The following SPATA13 variants were observed in gnomAD, a reference collection of about 807,000 sequenced individuals.
The protein encoded by SPATA13 is spermatogenesis associated 13.
A neutral mutation model predicts 104.0 loss-of-function variants in SPATA13; 50 were observed. The observed-to-expected ratio is 0.48, with a 90% CI of 0.38 to 0.61. The LOEUF is 0.61. SPATA13 is among the 20% of genes least tolerant of loss of function. The probability of loss-of-function intolerance (pLI) is 0.00; values close to 1 mark genes in which losing one functional copy is unlikely to be tolerated. For synonymous variants in SPATA13, 606 were observed against 667.5 expected, an observed-to-expected ratio of 0.91 and a Z score of 1.42; for missense variants, 1,524 against 1,690.6, an observed-to-expected ratio of 0.90 and a Z score of 1.73.
intron 3 of SPATA13, among the ~76,000 whole-genome samples, chr13:24,053,309 T>C (rs1324111531): frequency 1.3e-5 from 2 of 152,116 alleles, no homozygotes; most frequent in Non-Finnish European, 2.9e-5. Context: ...ATTCGGAAAA[T>C]CACTGCATTT....
intron 4 of SPATA13, among the ~76,000 whole-genome samples, chr13:24,278,456 A>C (rs923717388): frequency 1.1e-4 from 17 of 152,046 alleles, no homozygotes; most frequent in Admixed American, 6.6e-4. Flanking sequence ...TTTTTTTTTA[A>C]TTTATAGAGA....
Position 24,161,278 on chromosome 13 carries a change from C to T in SPATA13, c.-112+346C>T, listed in dbSNP as rs953898627. 2.6e-5 allele frequency among the ~76,000 whole-genome samples: 4 copies of T among 152,158 alleles called. No individual in the cohort carries two copies. The highest frequency in any genetic ancestry group is 6.5e-5 in the Admixed American group (1 of 15,290). ...TCACCCGCGCTCCCAGCTCGCGGGGCCTGGCCTACAGGGGCGGCCGTGGGG... is the reference window on the plus strand; with the variant it reads ...TCACCCGCGCTCCCAGCTCGCGGGGTCTGGCCTACAGGGGCGGCCGTGGGG... On this transcript the variant is annotated intron_variant, in intron 1 of 12. Transcript: ENST00000382108. This position sits in a 1 kb window ranked among gnomAD's most constrained non-coding sequence, Gnocchi z 4.5.
intron 3 of SPATA13, among the ~76,000 whole-genome samples, chr13:24,081,421 T>C (rs1183403320): frequency 6.6e-6 from 1 of 152,202 alleles, no homozygotes; most frequent in Non-Finnish European, 1.5e-5. Context: ...TGGATATGTA[T>C]GCATCTGTGA....
chr13:24,141,388 T>C (rs1390142037), intron 3 of SPATA13, among the ~76,000 whole-genome samples: 1 of 152,170 alleles, frequency 6.6e-6, no homozygotes, highest in Non-Finnish European at 1.5e-5. Flanking sequence ...TGAAGGTCAC[T>C]TGTTGACGTT....
At chr13:24,052,490 T>C (rs924670678) in intron 3 of SPATA13, among the ~76,000 whole-genome samples, 34 of 76,086 alleles carry the variant, frequency 4.5e-4, no homozygotes, top group African/African-American at 1.1e-3. Flanking sequence ...AAGAAATATA[T>C]GTTTTTTTTT....
At chr13:24,130,610 T>C (rs990808800) in intron 3 of SPATA13, among the ~76,000 whole-genome samples, 1 of 152,238 alleles carries the variant, frequency 6.6e-6, no homozygotes, top group Non-Finnish European at 1.5e-5. Context: ...GCCAGCTTTA[T>C]GGGGTTAATA....
chr13:24,203,155 AGT>A (rs1189170602), intron 1 of SPATA13, among the ~76,000 whole-genome samples: 2 of 133,692 alleles, frequency 1.5e-5, no homozygotes, highest in Non-Finnish European at 3.2e-5. Flanking sequence ...CACAGGCCCC[AGT>A]GTGTGTTGTT....
intron 3 of SPATA13, among the ~76,000 whole-genome samples, chr13:24,138,669 G>C (rs765138922): frequency 6.6e-6 from 1 of 151,682 alleles, no homozygotes; most frequent in African/African-American, 2.4e-5. Context: ...CTGCAGCCTT[G>C]AACTCCTGGG....
intron 2 of SPATA13, among the ~76,000 whole-genome samples, chr13:24,001,404 G>A (rs534756063): frequency 6.6e-6 from 1 of 151,976 alleles, no homozygotes; most frequent in Non-Finnish European, 1.5e-5. Flanking sequence ...GAGAAGGAGG[G>A]TGTGAGAGAG....
intron 4 of SPATA13, among the ~76,000 whole-genome samples, chr13:24,272,395 G>A (rs564160380): frequency 6.6e-6 from 1 of 152,312 alleles, no homozygotes; most frequent in East Asian, 1.9e-4. Context: ...AGTGCACTGC[G>A]GAAACTGTTG....
Position 24,249,685 on chromosome 13 carries a change from A to T in SPATA13, c.1862A>T (p.Asp621Val), listed in dbSNP as rs749236695. 5.6e-6 allele frequency: 9 copies of T among 1,613,988 alleles called. No individual in the cohort carries two copies. In the South Asian group the frequency reaches 6.6e-5, roughly 12 times the overall value. ...CAGAAGGAAGACCGTGTGGACGAGGACCCCCAGGCAAGCATGACTTCTGCC... is the reference window on the plus strand; with the variant it reads ...CAGAAGGAAGACCGTGTGGACGAGGTCCCCCAGGCAAGCATGACTTCTGCC... ...DPQKEDRVDEDPQASMTSASP... is the reference protein window; with the variant it reads ...DPQKEDRVDEVPQASMTSASP... Residue 621 changes from aspartate to valine, a missense_variant, in exon 3 of 13, where the codon GAC (aspartate) becomes GTC (valine). Coordinates refer to ENST00000382108, the MANE Select transcript of SPATA13 (RefSeq NM_001166271.3).
chr13:24,123,191 T>G, intron 3 of SPATA13: 1 of 1,363,652 alleles, frequency 7.3e-7, no homozygotes, highest in Non-Finnish European at 1.0e-6. Flanking sequence ...TGATGAATGG[T>G]GTGATATATT....
intron 1 of SPATA13, among the ~76,000 whole-genome samples, chr13:24,202,490 C>G (rs1440776811): frequency 1.3e-5 from 2 of 149,006 alleles, no homozygotes; most frequent in Non-Finnish European, 3.0e-5. Context: ...CAGTGTTGGC[C>G]TCAGAGACCT....
At chr13:24,113,768 G>A (rs932085760) in intron 3 of SPATA13, among the ~76,000 whole-genome samples, 3 of 151,038 alleles carry the variant, frequency 2.0e-5, no homozygotes, top group African/African-American at 7.3e-5. Flanking sequence ...TACTCGGGAG[G>A]CTGAGGCAGG....
At position 24,051,506 on chromosome 13, in the gene SPATA13, A is replaced by T. The variant is rs548981025; in HGVS notation, c.-112+33805A>T. Among the ~76,000 whole-genome samples the T allele has an allele frequency of 6.6e-6, 1 of 152,250 alleles. No homozygotes were observed. The highest frequency in any genetic ancestry group is 2.4e-5 in the African/African-American group (1 of 41,550). ...TGGCACTTGGGACATACTCATGCAC[A>T]CCCAACCCTTAGGGGAGGAGATTAT... On this transcript the variant is annotated intron_variant, in intron 3 of 14. Coordinates refer to the SPATA13 transcript ENST00000424834. The surrounding 1 kb of genome is among the most constrained non-coding windows in gnomAD (Gnocchi z 4.2).
intron 1 of SPATA13, among the ~76,000 whole-genome samples, chr13:24,206,937 C>G (rs973995010): frequency 1.3e-5 from 2 of 150,192 alleles, no homozygotes; most frequent in African/African-American, 4.9e-5. Context: ...CTTTGCAGCA[C>G]TATTCACAAT....
At chr13:24,257,339 G>C (rs762505622) in intron 4 of SPATA13, among the ~76,000 whole-genome samples, 27 of 152,160 alleles carry the variant, frequency 1.8e-4, no homozygotes, top group Non-Finnish European at 2.5e-4. Flanking sequence ...AAAGTCAGTC[G>C]ATATGGGTAG....
chr13:24,199,167 G>T (rs7322365), intron 1 of SPATA13, among the ~76,000 whole-genome samples: 38,212 of 151,922 alleles, frequency 0.25, 5,066 homozygotes, highest in South Asian at 0.32. Flanking sequence ...GGGATTACAG[G>T]CCTGAGCCAC....
chr13:23,992,634 G>T (rs754237371), intron 2 of SPATA13, among the ~76,000 whole-genome samples: 2 of 152,138 alleles, frequency 1.3e-5, no homozygotes, highest in African/African-American at 4.8e-5. Flanking sequence ...GTCAATTTCC[G>T]GGACTCTCTT....
Sources: gnomAD v4.1 joint callset for allele counts (sites outside exome capture counted in the v4.1 genomes callset) on GRCh38, gnomAD v4.1.1 for gene constraint, Gnocchi (gnomAD v3.1) non-coding constraint, MANE v1.5 for transcripts, NCBI Gene and HGNC (gene_info 2026-07-23, HGNC 2026-07-21) for gene names.